The following ERC1 variants were observed in gnomAD, a reference collection of about 807,000 sequenced individuals.
ERC1 encodes the protein RAB6 interacting protein 2.
Under a neutral mutation model 132.0 loss-of-function variants are expected in ERC1, and 56 were observed. That is an observed-to-expected ratio of 0.42 (90% confidence interval 0.34 to 0.53). The LOEUF (loss-of-function observed/expected upper bound fraction) is 0.53, where lower values mean the gene tolerates loss of function less well. Ranked by LOEUF, ERC1 falls within the 20% of genes least tolerant of loss-of-function variation. The pLI is 0.03. For missense variants in ERC1, 1,202 were observed against 1,349.9 expected, an observed-to-expected ratio of 0.89 and a Z score of 1.72; for synonymous variants, 478 against 476.1, an observed-to-expected ratio of 1.00 and a Z score of -0.05.
chr12:1,011,942 G>GA (rs574824910), intron 1 of ERC1, among the ~76,000 whole-genome samples: 11,111 of 140,576 alleles, frequency 0.079, 576 homozygotes, highest in Non-Finnish European at 0.12. Context: ...GTGAGACTCT[G>GA]AAAAAAAAAA....
intron 3 of ERC1, among the ~76,000 whole-genome samples, chr12:1,099,152 C>G (rs1944384840): frequency 6.6e-6 from 1 of 151,924 alleles, no homozygotes; most frequent in Non-Finnish European, 1.5e-5. Context: ...CCAGATTAGG[C>G]TGCTTTTATG....
intron 17 of ERC1, among the ~76,000 whole-genome samples, chr12:1,426,573 C>T (rs77277346): frequency 3.3e-5 from 5 of 152,018 alleles, no homozygotes; most frequent in Non-Finnish European, 7.4e-5. Flanking sequence ...GCAGAAATTC[C>T]CAGAATTCTA....
chr12:1,481,265 A>G (rs1164347709), intron 18 of ERC1, among the ~76,000 whole-genome samples: 1 of 152,250 alleles, frequency 6.6e-6, no homozygotes, highest in Non-Finnish European at 1.5e-5. Context: ...TGAATAATCC[A>G]TTTCAGGTTG....
chr12:1,071,315 C>T (rs150968850), intron 2 of ERC1, among the ~76,000 whole-genome samples: 3 of 152,322 alleles, frequency 2.0e-5, no homozygotes, highest in East Asian at 3.8e-4. Context: ...TCCATCCTTG[C>T]CAGCATTTGG....
At chr12:1,196,838 C>CTCTGTCTG (rs1555299914) in intron 12 of ERC1, among the ~76,000 whole-genome samples, 1 of 99,400 alleles carries the variant, frequency 1.0e-5, no homozygotes, top group African/African-American at 4.5e-5. Context: ...CTCTGTCTGT[C>CTCTGTCTG]TCTCTGTCTG....
At chr12:1,170,051 A>G (rs966107633) in intron 8 of ERC1, among the ~76,000 whole-genome samples, 16 of 152,326 alleles carry the variant, frequency 1.1e-4, no homozygotes, top group African/African-American at 3.4e-4. Flanking sequence ...TCCATTCTAA[A>G]TATATGAAAA....
chr12:1,424,852 A>AGATAGATC (rs1565411312), intron 17 of ERC1, among the ~76,000 whole-genome samples: 13 of 122,962 alleles, frequency 1.1e-4, no homozygotes, highest in Middle Eastern at 4.2e-3. Flanking sequence ...GATGATAGAT[A>AGATAGATC]GATAGATAGA....
intron 16 of ERC1, among the ~76,000 whole-genome samples, chr12:1,375,429 G>A (rs1046598086): frequency 5.9e-5 from 9 of 152,202 alleles, no homozygotes; most frequent in African/African-American, 2.2e-4. Context: ...TTCGAGGTGA[G>A]ATTTGGGTGG....
At chr12:1,418,615 C>G (rs1483307827) in intron 17 of ERC1, among the ~76,000 whole-genome samples, 1 of 116,666 alleles carries the variant, frequency 8.6e-6, no homozygotes, top group African/African-American at 5.0e-5. Flanking sequence ...TTCTTTCTTT[C>G]TTTCTTTCTT....
chr12:1,451,895 C>T (rs982413532), intron 18 of ERC1, among the ~76,000 whole-genome samples: 5 of 152,040 alleles, frequency 3.3e-5, no homozygotes, highest in African/African-American at 1.2e-4. Flanking sequence ...TAGGGTGAAC[C>T]CTAATCCATT....
At chr12:1,125,395 C>T (rs1052625100) in intron 7 of ERC1, among the ~76,000 whole-genome samples, 13 of 152,054 alleles carry the variant, frequency 8.5e-5, no homozygotes, top group African/African-American at 2.9e-4. Context: ...ATACTCTACC[C>T]AAGGATATGA....
intron 12 of ERC1, among the ~76,000 whole-genome samples, chr12:1,197,363 TC>T (rs758066598): frequency 2.0e-5 from 3 of 152,124 alleles, no homozygotes; most frequent in Non-Finnish European, 4.4e-5. Flanking sequence ...GCCTAACAAT[TC>T]CAGTGTCTGT....
chr12:999,609 A>ATTTTT lies in ERC1; in HGVS notation c.-157+8304_-157+8308dup, dbSNP rs10661786. 9.8e-4 allele frequency among the ~76,000 whole-genome samples: 101 copies of ATTTTT among 102,892 alleles called. 7 individuals carry two copies. The highest frequency in any genetic ancestry group is 1.8e-3 in the African/African-American group (46 of 24,968). The allele number at this position is 102,892 out of a possible 152,430, so 67.5% of individuals were successfully genotyped here. Reference sequence around the variant, plus strand: ...CAAGCATTGAACCTGGTGCTAGGTGATTTTTTTTTTTTTTTTTTTTTGAGA... The same window carrying ATTTTT: ...CAAGCATTGAACCTGGTGCTAGGTGATTTTTTTTTTTTTTTTTTTTTTTTTTGAGA... On this transcript the variant is annotated intron_variant, in intron 1 of 18. Transcript: ENST00000360905.
At position 1,181,906 on chromosome 12, in the gene ERC1, T is replaced by G. The variant is rs752975434; in HGVS notation, c.1876-19T>G. ...TGCAAAAGGGAATTTCTTCACATGT[T>G]GATATATTCTCTCATCAGGAGCGGA... On this transcript the variant is annotated intron_variant, in intron 9 of 18. Coordinates refer to ENST00000360905, the MANE Select transcript of ERC1 (RefSeq NM_178040.4). The G allele has an allele frequency of 4.4e-6, 7 of 1,597,500 alleles. No individual in the cohort carries two copies. The highest frequency in any genetic ancestry group is 4.3e-6 in the Non-Finnish European group (5 of 1,172,490).
intron 15 of ERC1, among the ~76,000 whole-genome samples, chr12:1,320,693 T>C (rs1014307378): frequency 2.0e-5 from 3 of 152,066 alleles, no homozygotes; most frequent in Admixed American, 2.0e-4. Flanking sequence ...TAGTTGATAG[T>C]GTTTTTTTGG....
chr12:1,213,858 C>T (rs1401771040), intron 12 of ERC1, among the ~76,000 whole-genome samples: 1 of 151,458 alleles, frequency 6.6e-6, no homozygotes, highest in Non-Finnish European at 1.5e-5. Context: ...GAGCCGAGAT[C>T]ACGCCACTGC....
intron 1 of ERC1, among the ~76,000 whole-genome samples, chr12:1,009,846 G>T (rs1254558038): frequency 6.6e-6 from 1 of 151,996 alleles, no homozygotes; most frequent in Non-Finnish European, 1.5e-5. Flanking sequence ...TGATGTAAAA[G>T]GTTTGATTTT....
At chr12:1,232,031 G>A (rs575785313) in intron 12 of ERC1, among the ~76,000 whole-genome samples, 1 of 152,244 alleles carries the variant, frequency 6.6e-6, no homozygotes, top group Admixed American at 6.5e-5. Context: ...GAACCACTGT[G>A]CCCAGCAACA....
At chr12:1,158,756 C>G (rs1241531979) in intron 8 of ERC1, among the ~76,000 whole-genome samples, 2 of 151,784 alleles carry the variant, frequency 1.3e-5, no homozygotes, top group Non-Finnish European at 2.9e-5. Flanking sequence ...CCTGGCTGTT[C>G]CCAAGTTTTA....
Sources: gnomAD v4.1 joint callset for allele counts (sites outside exome capture counted in the v4.1 genomes callset) on GRCh38, gnomAD v4.1.1 for gene constraint, MANE v1.5 for transcripts, NCBI Gene and HGNC (gene_info 2026-07-23, HGNC 2026-07-21) for gene names.